Variants in MARCHF7 observed in about 807,000 individuals in gnomAD.
MARCHF7 encodes E3 ubiquitin-protein ligase MARCHF7.
A neutral mutation model predicts 76.5 loss-of-function variants in MARCHF7; 20 were observed. The ratio of observed to expected loss-of-function variants is 0.26; its 90% CI spans 0.18 to 0.38. The LOEUF (loss-of-function observed/expected upper bound fraction) is 0.38, where lower values mean the gene tolerates loss of function less well. MARCHF7 is among the 10% of genes least tolerant of loss of function. MARCHF7 has a pLI of 1.00. For synonymous variants in MARCHF7, 295 were observed against 293.0 expected (o/e 1.01, Z -0.07); for missense variants, 797 against 812.9 (o/e 0.98, Z 0.24).
intron 5 of MARCHF7, 101 bp from the exon 6 acceptor site, chr2:159,745,669 A>T: frequency 1.3e-6 from 1 of 741,326 alleles, no homozygotes; most frequent in Non-Finnish European, 2.1e-6. Flanking sequence ...TAATAATAAT[A>T]ATAATAAATA....
At position 159,748,837 on chromosome 2, in the gene MARCHF7, G is replaced by GTAAAAGTGATAAAAC; in HGVS notation, c.1556_1570dup (p.Asp519_Ser523dup). ...CCTTCAGGTTGGAATTCAGCTGATG[G>GTAAAAGTGATAAAAC]TAAAAGTGATAAAACTAAAAGTGCG... On this transcript the variant is annotated inframe_insertion, in exon 7 of 12. Coordinates refer to ENST00000409175, the MANE Select transcript of MARCHF7 (RefSeq NM_001282805.2). 6.2e-7 allele frequency: 1 copy of GTAAAAGTGATAAAAC among 1,613,842 alleles called. No homozygotes were observed. The highest frequency in any genetic ancestry group is 2.2e-5 in the East Asian group (1 of 44,882).
At chr2:159,733,766 T>A (rs1364289167) in intron 4 of MARCHF7, 1 of 985,296 alleles carries the variant, frequency 1.0e-6, no homozygotes, top group Non-Finnish European at 1.2e-6. Flanking sequence ...CTGTTTTTAG[T>A]TAACATGGAT....
rs553627880 is a variant in MARCHF7, at chr2:159,765,199, G to A, written c.2056+525G>A. Among the ~76,000 whole-genome samples, 160 of 136,330 alleles carry A rather than the reference G, an allele frequency of 1.2e-3. 1 individual carries two copies. The highest frequency in any genetic ancestry group is 5.1e-3 in the South Asian group (20 of 3,940). The allele number at this position is 136,330 out of a possible 152,430, so 89.4% of individuals were successfully genotyped here. ...GGGTTTTTTGTTGTTGGTGGTGGTG[G>A]TAGTGGGTTTTTTTTTGGCTTTTTG... is the stretch of plus-strand genomic sequence containing the variant. On this transcript the variant is annotated intron_variant, in intron 11 of 11. Coordinates refer to ENST00000409175, the MANE Select transcript of MARCHF7 (RefSeq NM_001282805.2).
In MARCHF7 at chr2:159,759,303, C is replaced by T. The variant is rs771666005; in HGVS notation, c.1861C>T (p.His621Tyr). ...GCTTAACCTGGAGGATTTTGATATT[C>T]ATGAACTACATAGAGCTCATGCAAA... The part of the protein sequence containing the change: ...LELNLEDFDI[H>Y]ELHRAHANEQ... The change falls in exon 9 of 12, where the codon CAT becomes TAT. Residue 621 changes from histidine (H) to tyrosine (Y), a missense_variant. Physicochemically the swap from His to Tyr is moderately conservative, Grantham distance 83 (BLOSUM62 2). Transcript: ENST00000409175. The T allele has an allele frequency of 4.3e-6, 7 of 1,609,800 alleles. No individual in the cohort carries two copies. Among genetic ancestry groups the T allele is most frequent in the Admixed American group, 1.7e-5 (1 of 59,958 alleles).
At chr2:159,715,896 G>A (rs540653553) in intron 3 of MARCHF7, 130 bp downstream of exon 3, 1 of 152,116 alleles carries the variant, frequency 6.6e-6, no homozygotes, top group African/African-American at 2.4e-5. Flanking sequence ...TCATTAGTGT[G>A]ATGTTTCATA....
intron 4 of MARCHF7, chr2:159,733,740 A>G: frequency 1.0e-6 from 1 of 985,424 alleles, no homozygotes; most frequent in Non-Finnish European, 1.2e-6. Context: ...GACATTTTAT[A>G]GAACATTTTT....
At chr2:159,729,406 C>A (rs975209370) in intron 4 of MARCHF7, among the ~76,000 whole-genome samples, 2 of 152,152 alleles carry the variant, frequency 1.3e-5, no homozygotes. Context: ...AACGGTGGCT[C>A]ACGCCTGTAA....
At chr2:159,736,564 A>AT (rs1210233451) in intron 4 of MARCHF7, among the ~76,000 whole-genome samples, 4 of 151,874 alleles carry the variant, frequency 2.6e-5, no homozygotes, top group Admixed American at 2.6e-4. Flanking sequence ...AAGTTTTTTT[A>AT]TTTTTTTAAT....
At chr2:159,742,480 GAAAA>G (rs926608833) in intron 4 of MARCHF7, among the ~76,000 whole-genome samples, 18 of 151,062 alleles carry the variant, frequency 1.2e-4, no homozygotes. Context: ...TTTTCAAAAA[GAAAA>G]AAACAAATAT....
In MARCHF7 at chr2:159,712,799, TCCGGGGCCA is replaced by T. The variant is rs1164200675; in HGVS notation, c.-143+203_-143+211del. On this transcript the variant is annotated intron_variant, in intron 1 of 11. Coordinates refer to ENST00000409175, the MANE Select transcript of MARCHF7 (RefSeq NM_001282805.2). Reference sequence around the variant, plus strand: ...CTCAGGATGAGGTGGAGAAGCTTGGTCCGGGGCCACCGGGGCCAAGGGGCCACAGCGCAG... The same window carrying T: ...CTCAGGATGAGGTGGAGAAGCTTGGTCCGGGGCCAAGGGGCCACAGCGCAG... 2.6e-5 allele frequency: 4 copies of T among 152,694 alleles called. No individual in the cohort carries two copies. The East Asian group carries it at 7.7e-4, about 29-fold the overall frequency. The allele number at this position is 152,694 out of a possible 1,614,324, so 9.5% of individuals were successfully genotyped here. A position where few individuals can be genotyped will look rare whatever the true frequency, so the allele number is the denominator to read the frequency against.
intron 8 of MARCHF7, among the ~76,000 whole-genome samples, chr2:159,754,580 G>C (rs1167849861): frequency 6.6e-6 from 1 of 152,094 alleles, no homozygotes; most frequent in Admixed American, 6.5e-5. Context: ...ATCACAAGAA[G>C]TGTTTTTGTT....
chr2:159,758,940 G>A (rs2125693917), intron 8 of MARCHF7, among the ~76,000 whole-genome samples: 1 of 152,278 alleles, frequency 6.6e-6, no homozygotes, highest in Non-Finnish European at 1.5e-5. Flanking sequence ...GCCTCTGTCT[G>A]CTTCCCATGA....
At chr2:159,765,734 A>G (rs1407427482) in intron 11 of MARCHF7, among the ~76,000 whole-genome samples, 2 of 152,110 alleles carry the variant, frequency 1.3e-5, no homozygotes, top group Admixed American at 6.6e-5. Flanking sequence ...GTCATTGTCT[A>G]TACTACTTTC....
At position 159,747,963 on chromosome 2, in the gene MARCHF7, A is replaced by G. The variant is rs1264980451; in HGVS notation, c.673A>G (p.Asn225Asp). The change falls in exon 7 of 12, where the codon AAT becomes GAT. Residue 225 changes from asparagine to aspartate, a missense_variant. By Grantham distance (23) the Asn-to-Asp change is conservative. This residue lies in a region of MARCHF7 where 643 missense variants were observed against 631.5 expected (regional missense o/e 1.02). Transcript: ENST00000409175. Reference protein sequence around the residue: ...SRDSRNSLRSNFSSRESESSR... With the variant: ...SRDSRNSLRSDFSSRESESSR... ...GGACTCCAGAAATTCTTTAAGATCA[A>G]ATTTTTCTTCAAGAGAATCAGAATC... The G allele has an allele frequency of 4.3e-6, 7 of 1,614,126 alleles. No individual in the cohort carries two copies. Among genetic ancestry groups the G allele is most frequent in the South Asian group, 2.2e-5 (2 of 91,072 alleles).
At chr2:159,724,690 A>T (rs966589341) in intron 3 of MARCHF7, among the ~76,000 whole-genome samples, 12 of 151,968 alleles carry the variant, frequency 7.9e-5, no homozygotes, top group African/African-American at 2.4e-4. Flanking sequence ...TTATGAATGA[A>T]TTTTTTTTAT....
intron 4 of MARCHF7, among the ~76,000 whole-genome samples, chr2:159,738,006 G>A (rs1482707038): frequency 2.6e-5 from 4 of 152,182 alleles, no homozygotes; most frequent in Non-Finnish European, 5.9e-5. Flanking sequence ...GGCTTTGTTC[G>A]ACTCGTGCTA....
intron 8 of MARCHF7, among the ~76,000 whole-genome samples, chr2:159,757,840 A>G (rs1706527956): frequency 6.6e-6 from 1 of 152,216 alleles, no homozygotes; most frequent in Admixed American, 6.5e-5. Flanking sequence ...TTTCATTCAT[A>G]TACTCAAAAT....
chr2:159,757,790 T>C (rs1706521670), intron 8 of MARCHF7, among the ~76,000 whole-genome samples: 2 of 152,250 alleles, frequency 1.3e-5, no homozygotes, highest in South Asian at 4.1e-4. Context: ...AAGGTCCATA[T>C]TACATTTTCA....
intron 3 of MARCHF7, among the ~76,000 whole-genome samples, chr2:159,723,967 C>A (rs770841003): frequency 1.5e-4 from 23 of 152,096 alleles, no homozygotes; most frequent in Non-Finnish European, 3.2e-4. Flanking sequence ...TGCATAGCAT[C>A]CCCCTTAAGT....
Sources: gnomAD v4.1 joint callset for allele counts (sites outside exome capture counted in the v4.1 genomes callset) on GRCh38, gnomAD v4.1.1 for gene constraint, gnomAD v4.1.1 regional missense constraint, MANE v1.5 for transcripts, NCBI Gene and HGNC (gene_info 2026-07-23, HGNC 2026-07-21) for gene names.